Variants in RABGAP1L observed in about 807,000 individuals in gnomAD.
RABGAP1L encodes the protein RAB GTPase activating protein 1 like, also known as rab GTPase-activating protein 1-like.
Under a neutral mutation model 137.7 loss-of-function variants are expected in RABGAP1L, and 63 were observed. The ratio of observed to expected loss-of-function variants is 0.46; its 90% CI spans 0.37 to 0.56. The LOEUF (loss-of-function observed/expected upper bound fraction) is 0.56, where lower values mean the gene tolerates loss of function less well. Ranked by LOEUF, RABGAP1L falls within the 20% of genes least tolerant of loss-of-function variation. RABGAP1L has a pLI of 0.00. For synonymous variants in RABGAP1L, 431 were observed against 433.7 expected, an observed-to-expected ratio of 0.99 and a Z score of 0.08; for missense variants, 1,095 against 1,244.0, an observed-to-expected ratio of 0.88 and a Z score of 1.80.
At chr1:174,790,346 G>A (rs373784210) in intron 18 of RABGAP1L, among the ~76,000 whole-genome samples, 46 of 152,140 alleles carry the variant, frequency 3.0e-4, no homozygotes, top group African/African-American at 9.2e-4. Context: ...CCTCTGGGCC[G>A]GGCACGGTGG....
At chr1:174,833,410 ATG>A (rs569902746) in intron 19 of RABGAP1L, among the ~76,000 whole-genome samples, 6 of 69,666 alleles carry the variant, frequency 8.6e-5, no homozygotes, top group South Asian at 5.6e-4. Flanking sequence ...GTATGTGTGT[ATG>A]TGTGTGTGTG....
At chr1:174,985,938 C>T (rs56978149) in intron 24 of RABGAP1L, among the ~76,000 whole-genome samples, 25,872 of 151,670 alleles carry the variant, frequency 0.17, 2,598 homozygotes, top group Non-Finnish European at 0.23. Context: ...TCCTTCCTTT[C>T]TTTTTTTCTT....
chr1:174,752,371 A>G lies in RABGAP1L; in HGVS notation c.2211+17A>G. 1 of 1,534,112 alleles carries G rather than the reference A, an allele frequency of 6.5e-7. No homozygotes were observed. The highest frequency in any genetic ancestry group is 1.4e-5 in the African/African-American group (1 of 71,802). ...CTCCTAAAGGTAAGTCTTTTTTTTAATCTTAAGTTACCACATTCTCTTACC... is the reference window on the plus strand; with the variant it reads ...CTCCTAAAGGTAAGTCTTTTTTTTAGTCTTAAGTTACCACATTCTCTTACC... On this transcript the variant is annotated intron_variant, in intron 18 of 25. Transcript: ENST00000681986.
At chr1:174,735,612 C>CAAAAAAAAAAAAAAAAAAAAA in intron 17 of RABGAP1L, among the ~76,000 whole-genome samples, 1 of 46,134 alleles carries the variant, frequency 2.2e-5, no homozygotes, top group Non-Finnish European at 3.8e-5. Flanking sequence ...AACTCCATCT[C>CAAAAAAAAAAAAAAAAAAAAA]AAAAAAAAAA....
intron 17 of RABGAP1L, among the ~76,000 whole-genome samples, chr1:174,731,116 A>G (rs979196559): frequency 6.6e-6 from 1 of 152,226 alleles, no homozygotes; most frequent in East Asian, 1.9e-4. Context: ...CTGGTATTAC[A>G]GGTACACACC....
chr1:174,896,245 T>A (rs1657147783), intron 19 of RABGAP1L, among the ~76,000 whole-genome samples: 1 of 152,256 alleles, frequency 6.6e-6, no homozygotes, highest in Admixed American at 6.5e-5. Context: ...TGTCTTCTTT[T>A]GAGAAGTGTC....
chr1:174,617,418 T>G (rs942257360), intron 13 of RABGAP1L, among the ~76,000 whole-genome samples: 1 of 152,204 alleles, frequency 6.6e-6, no homozygotes, highest in Non-Finnish European at 1.5e-5. Flanking sequence ...ATACAGTTAC[T>G]GGATGGAATG....
chr1:174,566,335 C>A (rs1667585539), intron 13 of RABGAP1L, among the ~76,000 whole-genome samples: 1 of 151,900 alleles, frequency 6.6e-6, no homozygotes, highest in Non-Finnish European at 1.5e-5. Flanking sequence ...TTCGTTTTTT[C>A]TTTTAATTTG....
At chr1:174,333,083 C>T (rs748447659) in intron 11 of RABGAP1L, among the ~76,000 whole-genome samples, 2 of 152,198 alleles carry the variant, frequency 1.3e-5, no homozygotes, top group African/African-American at 2.4e-5. Flanking sequence ...ACAAATACTG[C>T]ATGATCTCAC....
chr1:174,686,390 A>ACCT (rs1678460071), intron 15 of RABGAP1L, among the ~76,000 whole-genome samples: 1 of 151,698 alleles, frequency 6.6e-6, no homozygotes, highest in Non-Finnish European at 1.5e-5. Flanking sequence ...TCTACATCTC[A>ACCT]CCTTTTTGGG....
chr1:174,330,592 A>G (rs1267764629), intron 11 of RABGAP1L, among the ~76,000 whole-genome samples: 2 of 152,080 alleles, frequency 1.3e-5, no homozygotes, highest in Admixed American at 6.6e-5. Flanking sequence ...CTTTAAACAA[A>G]CAAACAAACA....
intron 17 of RABGAP1L, among the ~76,000 whole-genome samples, chr1:174,705,012 G>A (rs1190222101): frequency 6.6e-6 from 1 of 152,086 alleles, no homozygotes; most frequent in Non-Finnish European, 1.5e-5. Context: ...GTGGGGGTAT[G>A]ACATTTTAAC....
At chr1:174,378,473 C>T (rs1685779030) in intron 12 of RABGAP1L, among the ~76,000 whole-genome samples, 1 of 151,442 alleles carries the variant, frequency 6.6e-6, no homozygotes, top group African/African-American at 2.4e-5. Context: ...TTAATGATTG[C>T]CATTCTGACT....
chr1:174,429,144 T>C (rs1223367647), intron 13 of RABGAP1L, among the ~76,000 whole-genome samples: 1 of 152,204 alleles, frequency 6.6e-6, no homozygotes, highest in Non-Finnish European at 1.5e-5. Context: ...TAAAGCAGGG[T>C]ATTGTAAATC....
At position 174,252,480 on chromosome 1, in the gene RABGAP1L, C is replaced by A. The variant is rs866470871; in HGVS notation, c.876C>A (p.Ser292Arg). ...VKEDDGKGNF[S>R]PVPKDRDKFY... ...TTCCTATTCCTTTTGAATATTTCAG[C>A]CCTGTGCCTAAGGATAGAGATAAAT... The change falls in exon 7 of 26, where the codon AGC (serine) becomes AGA (arginine). Residue 292 changes from serine to arginine, a missense_variant and splice_region_variant. This residue lies in a region of RABGAP1L where 112 missense variants were observed against 157.3 expected (regional missense o/e 0.71). Transcript: ENST00000681986. 6.2e-7 allele frequency: 1 copy of A among 1,610,728 alleles called. No individual in the cohort carries two copies. Among genetic ancestry groups the A allele is most frequent in the Non-Finnish European group, 8.5e-7 (1 of 1,178,842 alleles).
rs1486083501 is a variant in RABGAP1L at position 174,550,887 on chromosome 1, TATATATATAC to T, written c.1711-86486_1711-86477del. Among the ~76,000 whole-genome samples the T allele has an allele frequency of 7.8e-5, 7 of 89,942 alleles. 1 individual carries two copies. Among genetic ancestry groups the T allele is most frequent in the African/African-American group, 4.1e-4 (6 of 14,752 alleles). The allele number at this position is 89,942 out of a possible 152,430, so 59.0% of individuals were successfully genotyped here. A position where few individuals can be genotyped will look rare whatever the true frequency, so the allele number is the denominator to read the frequency against. ...ATATATATATATATATATATATATA[TATATATATAC>T]ACACACACATATACACACACACACA... On this transcript the variant is annotated intron_variant, in intron 13 of 25. Transcript: ENST00000681986.
chr1:174,456,395 T>C (rs1009070577), intron 13 of RABGAP1L, among the ~76,000 whole-genome samples: 3 of 152,128 alleles, frequency 2.0e-5, no homozygotes, highest in African/African-American at 7.2e-5. Flanking sequence ...TTCAAGTACC[T>C]ACTTTTGGAA....
intron 4 of RABGAP1L, among the ~76,000 whole-genome samples, chr1:174,239,844 AC>A (rs1384080890): frequency 1.3e-5 from 2 of 151,976 alleles, no homozygotes; most frequent in Non-Finnish European, 2.9e-5. Flanking sequence ...TCTTTTAAAA[AC>A]CCTTTCTGAT....
chr1:174,941,168 T>C (rs998681530), intron 19 of RABGAP1L, among the ~76,000 whole-genome samples: 1 of 152,316 alleles, frequency 6.6e-6, no homozygotes, highest in Middle Eastern at 3.4e-3. Flanking sequence ...TGTCCCTCCC[T>C]ATACCCCTCT....
Sources: gnomAD v4.1 joint callset for allele counts (sites outside exome capture counted in the v4.1 genomes callset) on GRCh38, gnomAD v4.1.1 for gene constraint, gnomAD v4.1.1 regional missense constraint, MANE v1.5 for transcripts, NCBI Gene and HGNC (gene_info 2026-07-23, HGNC 2026-07-21) for gene names.